The following ZMYND8 variants were observed in gnomAD, a reference collection of about 807,000 sequenced individuals.
ZMYND8 encodes zinc finger MYND-type containing 8, also known as MYND-type zinc finger-containing chromatin reader ZMYND8.
ZMYND8 carries 37 observed loss-of-function variants against 140.8 expected under a neutral mutation model. The observed-to-expected ratio is 0.26, with a 90% CI of 0.20 to 0.35. ZMYND8 has a LOEUF of 0.35. Among genes scored for constraint, ZMYND8 ranks in the 10% least tolerant of loss-of-function variants. The pLI is 1.00. For synonymous variants in ZMYND8, 592 were observed against 597.1 expected (o/e 0.99, Z 0.12); for missense variants, 1,068 against 1,570.0 (o/e 0.68, Z 5.40).
chr20:47,220,083 G>C (rs1296229479), intron 21 of ZMYND8, among the ~76,000 whole-genome samples, 175 bp downstream of exon 21: 1 of 152,098 alleles, frequency 6.6e-6, no homozygotes, highest in African/African-American at 2.4e-5. Flanking sequence ...GTACCTGAAA[G>C]TTAACATGCT....
In ZMYND8 at chr20:47,210,794, C is replaced by T. The variant is rs374872290; in HGVS notation, c.3672G>A (p.Pro1224=). Reference sequence around the variant, plus strand: ...AGAAGGTGTCCAGCCGAGACTCTTTCGGGAGGAGGCTCTTCGTGCTGGTAC... The same window carrying T: ...AGAAGGTGTCCAGCCGAGACTCTTTTGGGAGGAGGCTCTTCGTGCTGGTAC... ...NTSTSTKSLL[P]KESRLDTFWD Residue 1224 remains proline (P), a synonymous_variant, in exon 23 of 23, where the codon CCG becomes CCA. Coordinates refer to ENST00000471951, the MANE Select transcript of ZMYND8 (RefSeq NM_001281775.3). 43 of 1,613,990 alleles carry T rather than the reference C, an allele frequency of 2.7e-5. No homozygotes were observed. In the African/African-American group the frequency reaches 4.1e-4, roughly 16 times the overall value.
At chr20:47,332,908 G>A (rs1366705671) in intron 2 of ZMYND8, among the ~76,000 whole-genome samples, 2 of 152,026 alleles carry the variant, frequency 1.3e-5, no homozygotes, top group Non-Finnish European at 2.9e-5. Context: ...CAACTCAAAC[G>A]TCCATCAACA....
intron 9 of ZMYND8, 27 bp downstream of exon 9, chr20:47,283,544 G>A (rs752064648): frequency 3.1e-6 from 5 of 1,613,274 alleles, no homozygotes; most frequent in Non-Finnish European, 3.4e-6. Flanking sequence ...TTCAGTAAAT[G>A]AAATAAGCAA....
chr20:47,268,923 G>A lies in ZMYND8; in HGVS notation c.1481-6495C>T, dbSNP rs74275248. On this transcript the variant is annotated intron_variant, in intron 11 of 22. Coordinates refer to ENST00000471951, the MANE Select transcript of ZMYND8 (RefSeq NM_001281775.3). The stretch of plus-strand genomic sequence containing the variant: ...TCCAAAGAAGAGATATGACAAGGCC[G>A]GACGCAGTGGCTCACACCTGTAATC... 7.1e-3 allele frequency among the ~76,000 whole-genome samples: 1,086 copies of A among 152,214 alleles called. 62 individuals carry two copies. In the East Asian group the frequency reaches 0.15, roughly 21 times the overall value.
At chr20:47,306,627 G>T (rs1240579363) in intron 3 of ZMYND8, among the ~76,000 whole-genome samples, 1 of 149,642 alleles carries the variant, frequency 6.7e-6, no homozygotes, top group East Asian at 2.0e-4. Flanking sequence ...CTGCAGTGTG[G>T]TGACACGATC....
At chr20:47,232,633 C>G (rs1313955204) in intron 16 of ZMYND8, among the ~76,000 whole-genome samples, 4 of 152,112 alleles carry the variant, frequency 2.6e-5, no homozygotes, top group Non-Finnish European at 5.9e-5. Flanking sequence ...CTGCAAACCA[C>G]TAATCAGACC....
intron 2 of ZMYND8, among the ~76,000 whole-genome samples, chr20:47,344,224 C>T (rs190373056): frequency 9.4e-4 from 143 of 152,158 alleles, no homozygotes; most frequent in African/African-American, 3.2e-3. Context: ...ATGATCCCCC[C>T]ACCTTGGCCT....
At chr20:47,238,118 A>AT (rs2039470675) in intron 15 of ZMYND8, 1 of 153,144 alleles carries the variant, frequency 6.5e-6, no homozygotes, top group African/African-American at 2.4e-5. Flanking sequence ...TGCTCACAGT[A>AT]GAAAAAAAAC....
At position 47,236,333 on chromosome 20, in the gene ZMYND8, G is replaced by C; in HGVS notation, c.2849C>G (p.Thr950Ser). 1.2e-6 allele frequency: 2 copies of C among 1,614,214 alleles called. No homozygotes were observed. ...GCTCTCCCATCCACTCACTTTGCTA[G>C]TGTACTTGGCAATATCAGCGGCGAC... ...ADVAADIAKYTSKMMDAIKGT... is the reference protein window; with the variant it reads ...ADVAADIAKYSSKMMDAIKGT... The change falls in exon 16 of 23, where the codon ACT (threonine) becomes AGT (serine). Residue 950 changes from threonine to serine, a missense_variant. Coordinates refer to ENST00000471951, the MANE Select transcript of ZMYND8 (RefSeq NM_001281775.3).
At chr20:47,316,806 A>AG (rs1240532909) in intron 2 of ZMYND8, among the ~76,000 whole-genome samples, 1 of 152,024 alleles carries the variant, frequency 6.6e-6, no homozygotes, top group Non-Finnish European at 1.5e-5. Flanking sequence ...AAAAAAAAAA[A>AG]AAAGAAAGAA....
intron 2 of ZMYND8, chr20:47,320,707 G>C (rs1371355304): frequency 6.6e-6 from 1 of 152,262 alleles, no homozygotes; most frequent in Non-Finnish European, 1.5e-5. Flanking sequence ...CGGGGTGACA[G>C]AGCAAGATGC....
At position 47,276,534 on chromosome 20, in the gene ZMYND8, G is replaced by T. The variant is rs1486229649; in HGVS notation, c.1260C>A (p.Asn420Lys). 1 of 1,613,966 alleles carries T rather than the reference G, an allele frequency of 6.2e-7. No individual in the cohort carries two copies. Among genetic ancestry groups the T allele is most frequent in the Non-Finnish European group, 8.5e-7 (1 of 1,180,034 alleles). Reference protein sequence around the residue: ...KIDKQEKVKLNFDMTASPKIL... With the variant: ...KIDKQEKVKLKFDMTASPKIL... The stretch of plus-strand genomic sequence containing the variant: ...TCTTGGGGGATGCCGTCATGTCAAA[G>T]TTGAGCTTGACCTTCTCCTGCTTGT... Residue 420 changes from asparagine to lysine, a missense_variant, in exon 11 of 23, where the codon AAC becomes AAA. Coordinates refer to ENST00000471951, the MANE Select transcript of ZMYND8 (RefSeq NM_001281775.3).
Position 47,269,227 on chromosome 20 carries a change from AAC to A in ZMYND8, c.1481-6801_1481-6800del, listed in dbSNP as rs769609978. Among the ~76,000 whole-genome samples the A allele has an allele frequency of 6.6e-4, 100 of 152,312 alleles. 2 individuals are homozygous for A. In the South Asian group the frequency reaches 0.021, roughly 32 times the overall value. On this transcript the variant is annotated intron_variant, in intron 11 of 22. Transcript: ENST00000471951. ...AAAAATAAATAAATAAAAATAAAGA[AAC>A]AGATATGACTAAGCAGATCACAAAA...
At chr20:47,272,871 C>A (rs1478742904) in intron 11 of ZMYND8, among the ~76,000 whole-genome samples, 1 of 152,202 alleles carries the variant, frequency 6.6e-6, no homozygotes. Context: ...TTATTTTACA[C>A]GATTTTGGGT....
At chr20:47,242,733 A>T (rs1182521499) in intron 14 of ZMYND8, among the ~76,000 whole-genome samples, 2 of 152,238 alleles carry the variant, frequency 1.3e-5, no homozygotes, top group East Asian at 3.8e-4. Flanking sequence ...ATACAATCCG[A>T]TAAGATTCCA....
chr20:47,221,992 A>G (rs2037027765), intron 19 of ZMYND8, among the ~76,000 whole-genome samples: 1 of 152,196 alleles, frequency 6.6e-6, no homozygotes, highest in Non-Finnish European at 1.5e-5. Context: ...AATGGTTAGC[A>G]ATTCAAGTTT....
chr20:47,242,752 A>C (rs539316964), intron 14 of ZMYND8, among the ~76,000 whole-genome samples: 54 of 152,332 alleles, frequency 3.5e-4, no homozygotes, highest in South Asian at 1.5e-3. Context: ...CAGGCTCAAA[A>C]TTGTTTGAAG....
In ZMYND8 at chr20:47,239,085, T is replaced by G. The variant is rs745967382; in HGVS notation, c.2338A>C (p.Thr780Pro). ...TTVGSHSPPE[T>P]PVLTRSSAQT... Reference sequence around the variant, plus strand: ...GCGGAAGAGCGGGTGAGCACCGGTGTTTCCGGGGGAGAATGGCTGCCCACC... The same window carrying G: ...GCGGAAGAGCGGGTGAGCACCGGTGGTTCCGGGGGAGAATGGCTGCCCACC... The change falls in exon 15 of 23, where the codon ACA becomes CCA. Residue 780 changes from threonine (T) to proline (P), a missense_variant. Physicochemically the swap from Thr to Pro is conservative, Grantham distance 38. Transcript: ENST00000471951. 2.6e-6 allele frequency: 4 copies of G among 1,528,176 alleles called. No individual in the cohort carries two copies. The South Asian group carries it at 5.1e-5, about 20-fold the overall frequency. The allele number at this position is 1,528,176 out of a possible 1,614,324, so 94.7% of individuals were successfully genotyped here.
chr20:47,278,534 G>T (rs1418225946), intron 10 of ZMYND8, among the ~76,000 whole-genome samples: 1 of 151,758 alleles, frequency 6.6e-6, no homozygotes, highest in Non-Finnish European at 1.5e-5. Context: ...TCAACAGTTG[G>T]CATCTAAGAG....
Sources: gnomAD v4.1 joint callset for allele counts (sites outside exome capture counted in the v4.1 genomes callset) on GRCh38, gnomAD v4.1.1 for gene constraint, MANE v1.5 for transcripts, NCBI Gene and HGNC (gene_info 2026-07-23, HGNC 2026-07-21) for gene names.